TSPAN18: variants seen among roughly 807,000 people sequenced by gnomAD.
The protein encoded by TSPAN18 is tetraspanin 18.
A neutral mutation model predicts 27.3 loss-of-function variants in TSPAN18; 14 were observed. That is an observed-to-expected ratio of 0.51 (90% confidence interval 0.34 to 0.80). TSPAN18 has a LOEUF of 0.80. Ranked by LOEUF, TSPAN18 falls within the 30% of genes least tolerant of loss-of-function variation. TSPAN18 has a pLI of 0.01. For synonymous variants in TSPAN18, 143 were observed against 136.5 expected, an observed-to-expected ratio of 1.05 and a Z score of -0.33; for missense variants, 268 against 323.9, an observed-to-expected ratio of 0.83 and a Z score of 1.32.
chr11:44,878,936 C>T (rs1427995407), intron 3 of TSPAN18, among the ~76,000 whole-genome samples: 1 of 152,136 alleles, frequency 6.6e-6, no homozygotes, highest in Non-Finnish European at 1.5e-5. Flanking sequence ...CTCTGAGCCT[C>T]CCATCCCTCA....
intron 2 of TSPAN18, among the ~76,000 whole-genome samples, chr11:44,799,689 C>T (rs1020681656): frequency 3.9e-5 from 6 of 152,156 alleles, no homozygotes; most frequent in Admixed American, 1.3e-4. Context: ...TCCCTTTCTA[C>T]GAAAGAGGAA....
At chr11:44,852,443 ACT>A (rs1857629483) in intron 2 of TSPAN18, among the ~76,000 whole-genome samples, 1 of 152,150 alleles carries the variant, frequency 6.6e-6, no homozygotes, top group Non-Finnish European at 1.5e-5. Flanking sequence ...CAACACCAGC[ACT>A]CTGACTCCAG....
chr11:44,816,248 G>A (rs1257105960), intron 2 of TSPAN18, among the ~76,000 whole-genome samples: 11 of 152,240 alleles, frequency 7.2e-5, no homozygotes, highest in Admixed American at 3.3e-4. Flanking sequence ...TACTGTAATC[G>A]ATTAGTGATG....
rs140338722 is a variant in TSPAN18 at position 44,879,450 on chromosome 11, C to T, written c.-11+18981C>T. ...AGAGGGGACAGACAGTGATGGAGCG[C>T]GTGGGGTTTTGTGTGAGAGGGGCTT... On this transcript the variant is annotated intron_variant, in intron 3 of 9. Transcript: ENST00000520358. Among the ~76,000 whole-genome samples, 521 of 152,272 alleles carry T rather than the reference C, an allele frequency of 3.4e-3. 3 individuals are homozygous for T. The highest frequency in any genetic ancestry group is 0.012 in the African/African-American group (493 of 41,558).
chr11:44,762,600 C>T (rs1855478223), intron 1 of TSPAN18, among the ~76,000 whole-genome samples: 1 of 151,834 alleles, frequency 6.6e-6, no homozygotes, highest in African/African-American at 2.4e-5. Flanking sequence ...CAAGGTCATA[C>T]CTATATATAC....
In TSPAN18 at chr11:44,931,341, AAAC is replaced by A. The variant is rs528611794; in HGVS notation, c.*2166_*2168del. ...GATGACACACAAAAACAAAAACAAA[AAAC>A]AAAAAACCCATGCTGGGCAGGACTG... On this transcript the variant is annotated 3_prime_UTR_variant, in exon 10 of 10. Transcript: ENST00000520358. 8 of 184,210 alleles carry A rather than the reference AAAC, an allele frequency of 4.3e-5. No homozygotes were observed. The Admixed American group carries it at 4.5e-4, about 10-fold the overall frequency. 11.4% of individuals were successfully genotyped at this position (184,210 alleles called of 1,614,324 possible).
chr11:44,921,373 G>T (rs1445040954), intron 8 of TSPAN18, among the ~76,000 whole-genome samples: 4 of 152,098 alleles, frequency 2.6e-5, no homozygotes, highest in African/African-American at 9.7e-5. Context: ...GCTGCTGGCT[G>T]CCCCCCACGA....
intron 2 of TSPAN18, among the ~76,000 whole-genome samples, chr11:44,810,054 A>AT (rs1291302370): frequency 7.2e-5 from 11 of 152,202 alleles, no homozygotes; most frequent in African/African-American, 2.7e-4. Flanking sequence ...CAGTGCCTTC[A>AT]TCCCGTATTA....
chr11:44,857,172 A>G (rs141042683), intron 2 of TSPAN18, among the ~76,000 whole-genome samples: 1 of 152,332 alleles, frequency 6.6e-6, no homozygotes, highest in African/African-American at 2.4e-5. Flanking sequence ...TTCTCAGTCA[A>G]GTCTCCCTGG....
chr11:44,923,117 GAAAA>G (rs549981265), intron 8 of TSPAN18, among the ~76,000 whole-genome samples: 21 of 151,980 alleles, frequency 1.4e-4, no homozygotes, highest in African/African-American at 3.6e-4. Context: ...TCAAAAAAAA[GAAAA>G]AAAGAAGCCT....
chr11:44,915,861 C>T (rs1378207169), intron 5 of TSPAN18, among the ~76,000 whole-genome samples: 4 of 152,208 alleles, frequency 2.6e-5, no homozygotes, highest in South Asian at 2.1e-4. Context: ...GTGAGAACAG[C>T]GTCCGGTGCC....
intron 1 of TSPAN18, among the ~76,000 whole-genome samples, chr11:44,740,679 T>C (rs886075628): frequency 6.6e-6 from 1 of 152,232 alleles, no homozygotes; most frequent in Non-Finnish European, 1.5e-5. Flanking sequence ...AATTTCTGTC[T>C]TCCATTGTTC....
Position 44,766,995 on chromosome 11 carries a change from C to A in TSPAN18, c.-153+2483C>A, listed in dbSNP as rs561197065. Among the ~76,000 whole-genome samples the A allele has an allele frequency of 5.3e-4, 81 of 152,292 alleles. 1 individual carries two copies. The highest frequency in any genetic ancestry group is 1.9e-3 in the African/African-American group (79 of 41,558). On this transcript the variant is annotated intron_variant, in intron 2 of 9. Coordinates refer to ENST00000520358, the MANE Select transcript of TSPAN18 (RefSeq NM_130783.5). Reference sequence around the variant, plus strand: ...CCCTGTTTGCTTTGAACAATGGCAGCCCCCTTGGAATAGTGTAGCCTCCCA... The same window carrying A: ...CCCTGTTTGCTTTGAACAATGGCAGACCCCTTGGAATAGTGTAGCCTCCCA...
intron 1 of TSPAN18, among the ~76,000 whole-genome samples, chr11:44,730,790 AT>A (rs1017054402): frequency 5.2e-4 from 79 of 151,124 alleles, no homozygotes; most frequent in African/African-American, 1.7e-3. Context: ...CACCTGGCTA[AT>A]TTTTTTTGAA....
rs72469181 is a variant in TSPAN18, at chr11:44,900,680, C to CTT, written c.-10-5697_-10-5696dup. Among the ~76,000 whole-genome samples, 78 of 49,728 alleles carry CTT rather than the reference C, an allele frequency of 1.6e-3. 10 individuals carry two copies. The highest frequency in any genetic ancestry group is 5.8e-3 in the African/African-American group (64 of 11,124). The allele number at this position is 49,728 out of a possible 152,430, so 32.6% of individuals were successfully genotyped here. On this transcript the variant is annotated intron_variant, in intron 3 of 9. Coordinates refer to ENST00000520358, the MANE Select transcript of TSPAN18 (RefSeq NM_130783.5). ...TATTTTCCATACAACTTGAGGAAGG[C>CTT]TTTTTTTTTTTTTTTTTTTTTTTTT...
At chr11:44,789,671 C>T (rs1257834606) in intron 2 of TSPAN18, among the ~76,000 whole-genome samples, 1 of 151,970 alleles carries the variant, frequency 6.6e-6, no homozygotes, top group Non-Finnish European at 1.5e-5. Context: ...GGGTGAATTG[C>T]GGGCCTGATA....
rs547233420 is a variant in TSPAN18 at position 44,903,026 on chromosome 11, A to G, written c.-10-3381A>G. ...TTTTACTCAGTCCAAACCAAGTGCA[A>G]CCCTACTGTGTCCCAGGAGGGCACA... On this transcript the variant is annotated intron_variant, in intron 3 of 9. Coordinates refer to ENST00000520358, the MANE Select transcript of TSPAN18 (RefSeq NM_130783.5). Among the ~76,000 whole-genome samples, 6 of 152,026 alleles carry G rather than the reference A, an allele frequency of 3.9e-5. 1 individual carries two copies. Among genetic ancestry groups the G allele is most frequent in the Non-Finnish European group, 8.8e-5 (6 of 67,980 alleles).
At chr11:44,730,908 G>T (rs1854639559) in intron 1 of TSPAN18, among the ~76,000 whole-genome samples, 1 of 152,218 alleles carries the variant, frequency 6.6e-6, no homozygotes, top group South Asian at 2.1e-4. Context: ...ACAGGCGTGA[G>T]CCACTGCACT....
At chr11:44,763,912 A>G (rs537947147) in intron 1 of TSPAN18, among the ~76,000 whole-genome samples, 4 of 152,300 alleles carry the variant, frequency 2.6e-5, no homozygotes, top group African/African-American at 9.6e-5. Flanking sequence ...TATATATAAA[A>G]AAAGATTTAA....
Sources: gnomAD v4.1 joint callset for allele counts (sites outside exome capture counted in the v4.1 genomes callset) on GRCh38, gnomAD v4.1.1 for gene constraint, MANE v1.5 for transcripts, NCBI Gene and HGNC (gene_info 2026-07-23, HGNC 2026-07-21) for gene names.